Variants in GRM8 observed in about 807,000 individuals in gnomAD.
The protein encoded by GRM8 is glutamate metabotropic receptor 8.
Under a neutral mutation model 87.2 loss-of-function variants are expected in GRM8, and 47 were observed. That is an observed-to-expected ratio of 0.54 (90% confidence interval 0.43 to 0.69). GRM8 has a LOEUF of 0.69. Among genes scored for constraint, GRM8 ranks in the 30% least tolerant of loss-of-function variants. The pLI is 0.00. For missense variants in GRM8, 1,019 were observed against 1,139.2 expected (o/e 0.89, Z 1.52); for synonymous variants, 396 against 404.5 (o/e 0.98, Z 0.25).
At chr7:127,066,099 A>C (rs1227524811) in intron 3 of GRM8, among the ~76,000 whole-genome samples, 2 of 152,188 alleles carry the variant, frequency 1.3e-5, no homozygotes, top group Non-Finnish European at 2.9e-5. Flanking sequence ...GTTTTTCTTA[A>C]TGTTTAATGG....
At chr7:127,125,765 A>AACACACACACACACACACACAC (rs375563287) in intron 2 of GRM8, among the ~76,000 whole-genome samples, 11 of 141,090 alleles carry the variant, frequency 7.8e-5, no homozygotes, top group Non-Finnish European at 1.4e-4. Flanking sequence ...CAAACAACTA[A>AACACACACACACACACACACAC]ACACACACAC....
intron 3 of GRM8, among the ~76,000 whole-genome samples, chr7:127,070,246 C>T (rs1451864006): frequency 3.3e-5 from 5 of 152,200 alleles, no homozygotes; most frequent in East Asian, 1.9e-4. Context: ...GTGTATCTGT[C>T]GACAAGTGTG....
At chr7:126,531,607 T>C (rs1047660184) in intron 9 of GRM8, among the ~76,000 whole-genome samples, 3 of 152,242 alleles carry the variant, frequency 2.0e-5, no homozygotes, top group South Asian at 4.1e-4. Flanking sequence ...AGGGGGCCTC[T>C]ACAACTCTGC....
Position 126,454,304 on chromosome 7 carries a change from T to C in GRM8, c.2431-7932A>G, listed in dbSNP as rs187663992. Among the ~76,000 whole-genome samples, 356 of 151,860 alleles carry C rather than the reference T, an allele frequency of 2.3e-3. 2 individuals are homozygous for C. Among genetic ancestry groups the C allele is most frequent in the African/African-American group, 8.2e-3 (340 of 41,508 alleles). ...GGAAGCCTTGCTAGAATTTAAATTT[T>C]AGGCTAAATAATAAATTCAGGTTGT... On this transcript the variant is annotated intron_variant, in intron 9 of 10. Transcript: ENST00000339582.
intron 6 of GRM8, among the ~76,000 whole-genome samples, chr7:126,771,854 A>C (rs1164652671): frequency 6.6e-6 from 1 of 152,088 alleles, no homozygotes; most frequent in Admixed American, 6.6e-5. Flanking sequence ...ATTACTTCTC[A>C]AAAGTTATAT....
chr7:126,627,736 T>C (rs1800844080), intron 7 of GRM8, among the ~76,000 whole-genome samples: 1 of 152,224 alleles, frequency 6.6e-6, no homozygotes, highest in South Asian at 2.1e-4. Context: ...AATGAACTAA[T>C]ATTTTTATTA....
chr7:126,977,853 G>T (rs1391411436), intron 3 of GRM8, among the ~76,000 whole-genome samples: 1 of 152,168 alleles, frequency 6.6e-6, no homozygotes, highest in Non-Finnish European at 1.5e-5. Flanking sequence ...ACTGAATGGG[G>T]TTGGAAGCTG....
intron 8 of GRM8, among the ~76,000 whole-genome samples, chr7:126,539,676 G>A (rs902481304): frequency 2.0e-5 from 3 of 151,538 alleles, no homozygotes; most frequent in Admixed American, 2.0e-4. Context: ...CGTTATTTTT[G>A]ACAAGATACA....
chr7:127,060,237 A>C (rs1474811019), intron 3 of GRM8, among the ~76,000 whole-genome samples: 3 of 152,218 alleles, frequency 2.0e-5, no homozygotes, highest in Non-Finnish European at 4.4e-5. Context: ...TTATGAGAGC[A>C]ATTATTTAAA....
chr7:127,160,407 C>CA (rs1241111882), intron 2 of GRM8, among the ~76,000 whole-genome samples: 1 of 152,010 alleles, frequency 6.6e-6, no homozygotes. Context: ...CAACAAATAG[C>CA]AAACAAAGAA....
rs1049999151 is a variant in GRM8, at chr7:126,589,151, C to T, written c.1494+20211G>A. Among the ~76,000 whole-genome samples, 3 of 152,264 alleles carry T rather than the reference C, an allele frequency of 2.0e-5. No homozygotes were observed. In the South Asian group the frequency reaches 6.2e-4, roughly 32 times the overall value. ...TGGGGGAGAGAGTGAATCCAGAGTG[C>T]AGACACAGGCAGGCAAGGAGGTATG... On this transcript the variant is annotated intron_variant, in intron 8 of 10. Coordinates refer to ENST00000339582, the MANE Select transcript of GRM8 (RefSeq NM_000845.3).
At chr7:127,152,299 G>T (rs567171493) in intron 2 of GRM8, among the ~76,000 whole-genome samples, 35 of 152,148 alleles carry the variant, frequency 2.3e-4, no homozygotes, top group African/African-American at 8.2e-4. Context: ...ATATAGCAAT[G>T]CAGGTAAAGC....
At chr7:126,896,019 T>C (rs1294147828) in intron 6 of GRM8, among the ~76,000 whole-genome samples, 3 of 149,014 alleles carry the variant, frequency 2.0e-5, no homozygotes, top group Non-Finnish European at 4.5e-5. Flanking sequence ...AGGATATAAA[T>C]GTCAAGGACA....
chr7:126,747,370 G>T (rs1006310367), intron 7 of GRM8, among the ~76,000 whole-genome samples: 1 of 151,886 alleles, frequency 6.6e-6, no homozygotes, highest in South Asian at 2.1e-4. Context: ...ATGCTCTGTG[G>T]TCATGCATTC....
chr7:126,592,909 A>G (rs1012068952), intron 8 of GRM8, among the ~76,000 whole-genome samples: 3 of 151,934 alleles, frequency 2.0e-5, no homozygotes, highest in Admixed American at 6.6e-5. Flanking sequence ...ACACTAAAAA[A>G]CTACTAGAAC....
intron 3 of GRM8, among the ~76,000 whole-genome samples, chr7:127,030,492 C>G (rs1005843657): frequency 2.0e-5 from 3 of 152,068 alleles, no homozygotes; most frequent in Admixed American, 6.6e-5. Context: ...CTAGGACTAA[C>G]GGGGGAATAC....
At chr7:126,986,810 T>C (rs1187972855) in intron 3 of GRM8, among the ~76,000 whole-genome samples, 1 of 152,116 alleles carries the variant, frequency 6.6e-6, no homozygotes. Context: ...AACAGGAAAA[T>C]GTTTAATTGT....
At chr7:126,605,221 A>G (rs1265162460) in intron 8 of GRM8, among the ~76,000 whole-genome samples, 1 of 152,160 alleles carries the variant, frequency 6.6e-6, no homozygotes, top group Non-Finnish European at 1.5e-5. Flanking sequence ...TATGTTTTGT[A>G]ATCACTAATA....
intron 7 of GRM8, among the ~76,000 whole-genome samples, chr7:126,761,066 C>T (rs1267196208): frequency 6.6e-6 from 1 of 152,098 alleles, no homozygotes; most frequent in Non-Finnish European, 1.5e-5. Flanking sequence ...GGCTTGGCGG[C>T]ATGCACCTGT....
Sources: gnomAD v4.1 joint callset for allele counts (sites outside exome capture counted in the v4.1 genomes callset) on GRCh38, gnomAD v4.1.1 for gene constraint, MANE v1.5 for transcripts, NCBI Gene and HGNC (gene_info 2026-07-23, HGNC 2026-07-21) for gene names.